PIK3IP1: variants seen among roughly 807,000 people sequenced by gnomAD.
PIK3IP1 encodes the protein phosphoinositide-3-kinase-interacting protein 1.
Under a neutral mutation model 30.7 loss-of-function variants are expected in PIK3IP1, and 28 were observed. That is an observed-to-expected ratio of 0.91 (90% confidence interval 0.68 to 1.25). PIK3IP1 has a LOEUF of 1.25. Ranked by LOEUF, PIK3IP1 falls within the 50% of genes most tolerant of loss-of-function variation. The pLI is 0.00. For synonymous variants in PIK3IP1, 159 were observed against 140.8 expected, an observed-to-expected ratio of 1.13 and a Z score of -0.91; for missense variants, 333 against 346.2, an observed-to-expected ratio of 0.96 and a Z score of 0.30.
chr22:31,289,134 G>A, intron 5 of PIK3IP1, 181 bp downstream of exon 5: 3 of 646,606 alleles, frequency 4.6e-6, no homozygotes, highest in Non-Finnish European at 8.3e-6. Flanking sequence ...TTTAAGTGAG[G>A]TGTAAAGGCA....
At chr22:31,291,790 C>G (rs1232340868) in intron 1 of PIK3IP1, among the ~76,000 whole-genome samples, 1 of 79,928 alleles carries the variant, frequency 1.3e-5, no homozygotes, top group Non-Finnish European at 2.2e-5. Flanking sequence ...CGGCCACCTT[C>G]TGCCCGTTTA....
chr22:31,283,248 C>T lies in PIK3IP1; in HGVS notation c.628G>A (p.Glu210Lys), dbSNP rs1434309254. The T allele has an allele frequency of 6.2e-7, 1 of 1,614,228 alleles. No homozygotes were observed. The highest frequency in any genetic ancestry group is 8.5e-7 in the Non-Finnish European group (1 of 1,180,038). Residue 210 changes from glutamate to lysine, a missense_variant, in exon 6 of 6, where the codon GAG (glutamate) becomes AAG (lysine). By Grantham distance (56) the Glu-to-Lys change is moderately conservative (BLOSUM62 1). This residue lies in a region of PIK3IP1 where 217 missense variants were observed against 227.7 expected (regional missense o/e 0.95). Transcript: ENST00000215912. ...AGAGTGATTCGCTGCATCTCCCTCT[C>T]ACATACTTTCTGATCATGCTGTTCT... ...LKEQHDQKVC[E>K]REMQRITLPL...
intron 5 of PIK3IP1, among the ~76,000 whole-genome samples, chr22:31,285,780 C>A (rs2049126674): frequency 6.6e-6 from 1 of 152,204 alleles, no homozygotes; most frequent in African/African-American, 2.4e-5. Context: ...ACATACATTA[C>A]TAGCTGTGTA....
intron 3 of PIK3IP1, 160 bp from the exon 4 acceptor site, chr22:31,289,859 C>T: frequency 1.4e-6 from 1 of 707,970 alleles, no homozygotes; most frequent in Non-Finnish European, 2.3e-6. Flanking sequence ...TAAGATCAGG[C>T]CTGAGAGGGC....
In PIK3IP1 at chr22:31,282,668, T is replaced by G. The variant is rs766541522; in HGVS notation, c.*416A>C. The G allele has an allele frequency of 3.5e-5, 6 of 170,084 alleles. No homozygotes were observed. Among genetic ancestry groups the G allele is most frequent in the Non-Finnish European group, 5.1e-5 (4 of 78,394 alleles). 10.5% of individuals were successfully genotyped at this position (170,084 alleles called of 1,614,324 possible). ...TTTCAATGCCATCCCTTGACCTGCTTTACCTTAACCATGAATAACAGTGTA... is the reference window on the plus strand; with the variant it reads ...TTTCAATGCCATCCCTTGACCTGCTGTACCTTAACCATGAATAACAGTGTA... On this transcript the variant is annotated 3_prime_UTR_variant, in exon 6 of 6. Transcript: ENST00000215912.
At chr22:31,283,710 C>T (rs1223455088) in intron 5 of PIK3IP1, among the ~76,000 whole-genome samples, 1 of 151,850 alleles carries the variant, frequency 6.6e-6, no homozygotes, top group Non-Finnish European at 1.5e-5. Flanking sequence ...CAGGCGTGAG[C>T]CACTGCACCT....
At position 31,283,098 on chromosome 22, in the gene PIK3IP1, T is replaced by C. The variant is rs144603784; in HGVS notation, c.778A>G (p.Thr260Ala). 1.2e-4 allele frequency: 197 copies of C among 1,599,884 alleles called. 1 individual carries two copies. The highest frequency in any genetic ancestry group is 1.9e-4 in the Admixed American group (11 of 56,848). The change falls in exon 6 of 6, where the codon ACT (threonine) becomes GCT (alanine). Residue 260 changes from threonine (T) to alanine (A), a missense_variant. Physicochemically the swap from Thr to Ala is moderately conservative, Grantham distance 58. Transcript: ENST00000215912. Reference protein sequence around the residue: ...GTTPLMGQAGTPGA With the variant: ...GTTPLMGQAGAPGA ...ACTGGGGGGGCTCAGGCCCCAGGAG[T>C]CCCGGCCTGGCCCATAAGGGGGGTG...
chr22:31,289,930 T>G, intron 3 of PIK3IP1: 1 of 510,028 alleles, frequency 2.0e-6, no homozygotes, highest in East Asian at 3.2e-5. Flanking sequence ...GCTTCTCTCC[T>G]ACCTCCCACG....
chr22:31,286,108 G>A (rs1339474464), intron 5 of PIK3IP1, among the ~76,000 whole-genome samples: 2 of 151,712 alleles, frequency 1.3e-5, no homozygotes, highest in Non-Finnish European at 2.9e-5. Context: ...AGGAGGCGGC[G>A]GTTGCAGTGA....
rs550036410 is a variant in PIK3IP1, at chr22:31,289,866, G to A, written c.308-167C>T. 9.2e-6 allele frequency: 6 copies of A among 655,086 alleles called. No homozygotes were observed. The South Asian group carries it at 1.0e-4, about 11-fold the overall frequency. The allele number at this position is 655,086 out of a possible 1,614,324, so 40.6% of individuals were successfully genotyped here. On this transcript the variant is annotated intron_variant, in intron 3 of 5. Transcript: ENST00000215912. ...CCCAGAGGTAAGATCAGGCCTGAGA[G>A]GGCTGAACCATCTCAGGGACAAGGC... is the stretch of plus-strand genomic sequence containing the variant.
intron 5 of PIK3IP1, among the ~76,000 whole-genome samples, chr22:31,287,151 A>G (rs960877093): frequency 6.8e-6 from 1 of 148,138 alleles, no homozygotes; most frequent in African/African-American, 2.5e-5. Flanking sequence ...CTTAGTAACT[A>G]GGACTACAGG....
chr22:31,289,571 C>G lies in PIK3IP1; in HGVS notation c.436G>C (p.Val146Leu). 3.2e-6 allele frequency: 5 copies of G among 1,558,740 alleles called. 1 individual carries two copies. Among genetic ancestry groups the G allele is most frequent in the Middle Eastern group, 3.4e-4 (2 of 5,960 alleles). The change falls in exon 4 of 6, where the codon GTG becomes CTG. Residue 146 changes from valine (V) to leucine (L), a missense_variant. Physicochemically the swap from Val to Leu is conservative, Grantham distance 32. Coordinates refer to ENST00000215912, the MANE Select transcript of PIK3IP1 (RefSeq NM_052880.5). ...ALPARSEAAA[V>L]QPVIGISQRV... ...TGGCTGATCCCAATCACTGGCTGCA[C>G]AGCTGCCGCCTCACTCCGAGCGGGC... is the stretch of plus-strand genomic sequence containing the variant.
rs1046976908 is a variant in PIK3IP1, at chr22:31,284,790, G to C, written c.588-1502C>G. Among the ~76,000 whole-genome samples, 10 of 152,258 alleles carry C rather than the reference G, an allele frequency of 6.6e-5. No individual in the cohort carries two copies. The East Asian group carries it at 1.7e-3, about 26-fold the overall frequency. The stretch of plus-strand genomic sequence containing the variant: ...TGCAGACAGTACACTTAGCTCCTCA[G>C]TCACAGACTGGCCATTTGAACCTCG... On this transcript the variant is annotated intron_variant, in intron 5 of 5. Transcript: ENST00000215912.
intron 5 of PIK3IP1, among the ~76,000 whole-genome samples, chr22:31,284,985 C>T (rs910737218): frequency 2.9e-4 from 44 of 152,188 alleles, no homozygotes; most frequent in Non-Finnish European, 4.9e-4. Flanking sequence ...TCAAGGCTTA[C>T]AGTACCTACC....
chr22:31,290,877 C>A, intron 3 of PIK3IP1, 88 bp downstream of exon 3: 1 of 1,437,146 alleles, frequency 7.0e-7, no homozygotes, highest in Non-Finnish European at 9.1e-7. Flanking sequence ...GGCCGGCCGG[C>A]ATCGCGCGGC....
At position 31,292,450 on chromosome 22, in the gene PIK3IP1, T is replaced by A; in HGVS notation, c.-106A>T. 1.2e-6 allele frequency: 1 copy of A among 857,586 alleles called. No individual in the cohort carries two copies. Among genetic ancestry groups the A allele is most frequent in the South Asian group, 1.4e-5 (1 of 71,688 alleles). 53.1% of individuals were successfully genotyped at this position (857,586 alleles called of 1,614,324 possible). Reference sequence around the variant, plus strand: ...CCCAGCCTTGCAGTCAGACCTGCCCTTGTTATGCTGTTCTGGTAAACAGCC... The same window carrying A: ...CCCAGCCTTGCAGTCAGACCTGCCCATGTTATGCTGTTCTGGTAAACAGCC... On this transcript the variant is annotated 5_prime_UTR_variant, in exon 1 of 6. The change creates a new upstream start codon in the 5' untranslated region. Transcript: ENST00000215912.
Position 31,283,264 on chromosome 22 carries a change from ATGCTGTTCT to A in PIK3IP1, c.603_611del (p.Lys201_His204delinsAsn). 1.2e-6 allele frequency: 2 copies of A among 1,614,014 alleles called. No homozygotes were observed. Among genetic ancestry groups the A allele is most frequent in the Non-Finnish European group, 8.5e-7 (1 of 1,180,018 alleles). On this transcript the variant is annotated inframe_deletion, in exon 6 of 6. Coordinates refer to ENST00000215912, the MANE Select transcript of PIK3IP1 (RefSeq NM_052880.5). The stretch of plus-strand genomic sequence containing the variant: ...TCTCCCTCTCACATACTTTCTGATC[ATGCTGTTCT>A]TTCAAATCCTTCCCCCTGGCAGGAA...
rs71820484 is a variant in PIK3IP1, at chr22:31,283,300, A to AAAAC, written c.588-16_588-13dup. 5 of 1,613,340 alleles carry AAAAC rather than the reference A, an allele frequency of 3.1e-6. No homozygotes were observed. Among genetic ancestry groups the AAAAC allele is most frequent in the Non-Finnish European group, 4.2e-6 (5 of 1,179,824 alleles). ...TCAAATCCTTCCCCCTGGCAGGAAA[A>AAAAC]AAACAAACAAACATTCAGGCTATGC... On this transcript the variant is annotated splice_polypyrimidine_tract_variant and intron_variant, in intron 5 of 5. Coordinates refer to ENST00000215912, the MANE Select transcript of PIK3IP1 (RefSeq NM_052880.5).
chr22:31,287,578 C>T (rs9621227), intron 5 of PIK3IP1, among the ~76,000 whole-genome samples: 61,203 of 151,414 alleles, frequency 0.4, 13,579 homozygotes, highest in Middle Eastern at 0.57. Context: ...GATCTGCCCG[C>T]CTCGGCCTCC....
Sources: allele counts gnomAD v4.1 joint callset (sites outside exome capture counted in the v4.1 genomes callset), GRCh38; gene constraint gnomAD v4.1.1; regional missense constraint gnomAD v4.1.1; transcripts MANE v1.5; gene names NCBI Gene and HGNC (gene_info 2026-07-23, HGNC 2026-07-21).